Variants in FRMD3 observed in about 807,000 individuals in gnomAD.
FRMD3 encodes the protein FERM domain containing 3, also known as FERM domain-containing protein 3.
Under a neutral mutation model 70.2 loss-of-function variants are expected in FRMD3, and 33 were observed. That is an observed-to-expected ratio of 0.47 (90% CI 0.36 to 0.63). FRMD3 has a LOEUF of 0.63. Ranked by LOEUF, FRMD3 falls within the 20% of genes least tolerant of loss-of-function variation. FRMD3 has a pLI of 0.00. For missense variants in FRMD3, 632 were observed against 711.4 expected (o/e 0.89, Z 1.27); for synonymous variants, 279 against 255.9 (o/e 1.09, Z -0.86).
intron 1 of FRMD3, among the ~76,000 whole-genome samples, chr9:83,474,221 A>T (rs1373901208): frequency 6.6e-6 from 1 of 152,204 alleles, no homozygotes; most frequent in Non-Finnish European, 1.5e-5. Flanking sequence ...AGCCACTAGA[A>T]ATCATCATGG....
At chr9:83,359,034 C>A (rs1440665856) in intron 3 of FRMD3, among the ~76,000 whole-genome samples, 1 of 152,144 alleles carries the variant, frequency 6.6e-6, no homozygotes, top group East Asian at 1.9e-4. Flanking sequence ...CATTAAACAA[C>A]AACTGTTACT....
intron 3 of FRMD3, among the ~76,000 whole-genome samples, chr9:83,351,799 T>C (rs1362359408): frequency 2.6e-5 from 4 of 152,158 alleles, no homozygotes; most frequent in African/African-American, 9.7e-5. Context: ...GGTTCGTTCC[T>C]ATCCAACTTC....
chr9:83,427,176 T>G (rs566429057), intron 1 of FRMD3, among the ~76,000 whole-genome samples: 5 of 152,240 alleles, frequency 3.3e-5, no homozygotes, highest in East Asian at 3.9e-4. Flanking sequence ...CAGAAACCCA[T>G]GAGAATGGCC....
At position 83,298,731 on chromosome 9, in the gene FRMD3, A is replaced by G. The variant is rs147357950; in HGVS notation, c.1070+17T>C. 15 of 1,611,290 alleles carry G rather than the reference A, an allele frequency of 9.3e-6. No homozygotes were observed. The East Asian group carries it at 3.1e-4, about 34-fold the overall frequency. ...GCTTTTAAAGCCACCTGGAACCCAC[A>G]GTGATCATCCACTCACCTGTGCACC... On this transcript the variant is annotated intron_variant, in intron 12 of 13. Coordinates refer to ENST00000304195, the MANE Select transcript of FRMD3 (RefSeq NM_174938.6).
intron 1 of FRMD3, among the ~76,000 whole-genome samples, chr9:83,477,188 T>A (rs1309791336): frequency 6.6e-6 from 1 of 152,210 alleles, no homozygotes; most frequent in Non-Finnish European, 1.5e-5. Context: ...AGATGTTTCG[T>A]CTGCACATAA....
rs772291851 is a variant in FRMD3 at position 83,248,158 on chromosome 9, A to G, written c.1554T>C (p.His518=). The G allele has an allele frequency of 6.8e-6, 11 of 1,614,190 alleles. No individual in the cohort carries two copies. The East Asian group carries it at 2.2e-4, about 33-fold the overall frequency. Residue 518 remains histidine (H), a synonymous_variant, in exon 14 of 14, where the codon CAT becomes CAC. Coordinates refer to ENST00000304195, the MANE Select transcript of FRMD3 (RefSeq NM_174938.6). ...LSWSYDILTG[H]IRVNPLVKSF... Reference sequence around the variant, plus strand: ...TCTTGACCAGTGGGTTCACCCGAATATGGCCAGTCAGAATGTCATAGCTCC... The same window carrying G: ...TCTTGACCAGTGGGTTCACCCGAATGTGGCCAGTCAGAATGTCATAGCTCC...
chr9:83,432,759 A>T (rs545614193), intron 1 of FRMD3, among the ~76,000 whole-genome samples: 8 of 152,358 alleles, frequency 5.3e-5, no homozygotes, highest in South Asian at 2.1e-4. Context: ...ATTTAAAAAA[A>T]TTTTAATTTC....
chr9:83,285,738 C>G (rs1015531690), intron 13 of FRMD3, among the ~76,000 whole-genome samples: 1 of 152,226 alleles, frequency 6.6e-6, no homozygotes, highest in Admixed American at 6.5e-5. Context: ...TATGGGGAAC[C>G]TGCTCCATTT....
the FRMD3 span, among the ~76,000 whole-genome samples, chr9:83,569,778 CTTAAT>C: frequency 1.3e-5 from 2 of 152,326 alleles, no homozygotes; most frequent in African/African-American, 4.8e-5. Context: ...GATTTCGCCA[CTTAAT>C]TTAATATATA....
chr9:83,299,571 C>T (rs1431428177), intron 10 of FRMD3, among the ~76,000 whole-genome samples: 4 of 152,190 alleles, frequency 2.6e-5, no homozygotes, highest in African/African-American at 4.8e-5. Flanking sequence ...TCAGGAAGTT[C>T]GTGGTTGTTA....
At chr9:83,433,167 T>G (rs924583257) in intron 1 of FRMD3, among the ~76,000 whole-genome samples, 2 of 152,220 alleles carry the variant, frequency 1.3e-5, no homozygotes, top group African/African-American at 4.8e-5. Flanking sequence ...TGATTCCATA[T>G]CTTTGCAATT....
Position 83,267,069 on chromosome 9 carries a change from T to A in FRMD3, c.1196-18553A>T, listed in dbSNP as rs1023317660. 4 of 1,550,776 alleles carry A rather than the reference T, an allele frequency of 2.6e-6. No individual in the cohort carries two copies. In the East Asian group the frequency reaches 9.8e-5, roughly 38 times the overall value. On this transcript the variant is annotated intron_variant, in intron 13 of 13. Coordinates refer to ENST00000304195, the MANE Select transcript of FRMD3 (RefSeq NM_174938.6). Reference sequence around the variant, plus strand: ...CTCAGCAGACGAACAAACACATTACTGTTGCAGTGGTTCACCATGTGCAAT... The same window carrying A: ...CTCAGCAGACGAACAAACACATTACAGTTGCAGTGGTTCACCATGTGCAAT...
the FRMD3 span, among the ~76,000 whole-genome samples, chr9:83,555,122 C>A: frequency 1.1e-3 from 174 of 152,328 alleles, 1 homozygote; most frequent in African/African-American, 4.1e-3. Flanking sequence ...CTTAAAAAAA[C>A]AATCTGGCCA....
At chr9:83,243,159 A>T (rs1169503959), downstream of FRMD3, 1 of 1,547,942 alleles carries the variant, frequency 6.5e-7, no homozygotes, top group Non-Finnish European at 8.7e-7. Context: ...TGGAGAGCCA[A>T]GTCTTGGCTG....
intron 1 of FRMD3, among the ~76,000 whole-genome samples, chr9:83,409,278 T>A (rs774364994): frequency 6.6e-6 from 1 of 152,200 alleles, no homozygotes; most frequent in African/African-American, 2.4e-5. Flanking sequence ...CAATATTGCA[T>A]GTTACTGTTC....
intron 7 of FRMD3, 37 bp downstream of exon 7, chr9:83,313,623 A>G (rs774440436): frequency 4.0e-6 from 6 of 1,518,446 alleles, no homozygotes; most frequent in Non-Finnish European, 5.5e-6. Context: ...TGGGCAAAAC[A>G]ACCATTATAT....
At chr9:83,380,920 T>C (rs772011055) in intron 2 of FRMD3, among the ~76,000 whole-genome samples, 3 of 152,082 alleles carry the variant, frequency 2.0e-5, no homozygotes, top group Admixed American at 2.0e-4. Context: ...GATCCAAAAT[T>C]TGAGCAATTC....
At chr9:83,473,247 T>C (rs924616813) in intron 1 of FRMD3, among the ~76,000 whole-genome samples, 6 of 151,890 alleles carry the variant, frequency 4.0e-5, no homozygotes, top group African/African-American at 1.5e-4. Context: ...CCCAACCCCC[T>C]GCCTCTGTGC....
intron 1 of FRMD3, among the ~76,000 whole-genome samples, chr9:83,526,880 T>A (rs1244871216): frequency 1.3e-5 from 2 of 151,622 alleles, no homozygotes; most frequent in Non-Finnish European, 2.9e-5. Flanking sequence ...TAAGCTTCTT[T>A]TTTTTTTTTT....
Sources: gnomAD v4.1 joint callset for allele counts (sites outside exome capture counted in the v4.1 genomes callset) on GRCh38, gnomAD v4.1.1 for gene constraint, MANE v1.5 for transcripts, NCBI Gene and HGNC (gene_info 2026-07-23, HGNC 2026-07-21) for gene names.